The following CCT7 variants were observed in gnomAD, a reference collection of about 807,000 sequenced individuals.
CCT7 encodes chaperonin containing TCP1 subunit 7, also known as T-complex protein 1 subunit eta.
In CCT7, 16 loss-of-function variants were observed where a neutral mutation model predicts 56.6. The observed-to-expected ratio is 0.28, with a 90% confidence interval of 0.19 to 0.43. The LOEUF is 0.43. Ranked by LOEUF, CCT7 falls within the 20% of genes least tolerant of loss-of-function variation. CCT7 has a pLI of 1.00. For missense variants in CCT7, 519 were observed against 685.6 expected, an observed-to-expected ratio of 0.76 and a Z score of 2.71; for synonymous variants, 262 against 254.8, an observed-to-expected ratio of 1.03 and a Z score of -0.27.
intron 11 of CCT7, among the ~76,000 whole-genome samples, chr2:73,252,324 G>GATATATATATATATATATATATATATAT (rs57359293): frequency 2.4e-4 from 30 of 127,318 alleles, no homozygotes; most frequent in South Asian, 5.5e-4. Flanking sequence ...CTCATTGTTT[G>GATATATATATATATATATATATATATAT]ATATATATAT....
chr2:73,244,355 C>A, intron 5 of CCT7, 189 bp from the exon 6 acceptor site: 1 of 609,364 alleles, frequency 1.6e-6, no homozygotes. Context: ...AGTTTAAAAG[C>A]TGCCACATAT....
chr2:73,243,999 A>G lies in CCT7; in HGVS notation c.396A>G (p.Ala132=). 6.2e-7 allele frequency: 1 copy of G among 1,613,636 alleles called. No homozygotes were observed. Residue 132 remains alanine, a splice_region_variant and synonymous_variant, in exon 5 of 12, where the codon GCA becomes GCG. Coordinates refer to ENST00000258091, the MANE Select transcript of CCT7 (RefSeq NM_006429.4). ...IRAFRTATQL[A]VNKIKEIAVT... ...CATTCAACTTCTGTTCTTGGCAGGC[A>G]GTTAACAAGATCAAAGAGATTGCTG...
intron 3 of CCT7, 77 bp from the exon 4 acceptor site, chr2:73,242,927 G>A (rs991698240): frequency 1.2e-5 from 18 of 1,551,746 alleles, no homozygotes; most frequent in Non-Finnish European, 1.5e-5. Context: ...TAAATGGGTA[G>A]CGTGCCTAAA....
At chr2:73,244,505 T>G (rs1403614571) in intron 5 of CCT7, 39 bp from the exon 6 acceptor site, 1 of 1,566,582 alleles carries the variant, frequency 6.4e-7, no homozygotes. Context: ...AGGGATTTGG[T>G]TTTCAAGACC....
chr2:73,244,440 C>CT (rs1422895109), intron 5 of CCT7, 104 bp from the exon 6 acceptor site: 1 of 982,376 alleles, frequency 1.0e-6, no homozygotes, highest in Non-Finnish European at 1.5e-6. Context: ...TTGGAGAGGG[C>CT]TGAGTTTAGA....
In CCT7 at chr2:73,252,324, G is replaced by GATATATATATATATATATAT. The variant is rs57359293; in HGVS notation, c.1411-308_1411-289dup. Among the ~76,000 whole-genome samples the GATATATATATATATATATAT allele has an allele frequency of 8.6e-3, 1,097 of 127,070 alleles. 14 individuals are homozygous for GATATATATATATATATATAT. The highest frequency in any genetic ancestry group is 0.013 in the Non-Finnish European group (756 of 59,888). 83.4% of individuals were successfully genotyped at this position (127,070 alleles called of 152,430 possible). On this transcript the variant is annotated intron_variant, in intron 11 of 11. Transcript: ENST00000258091. ...TGTTTATCTTGAGAACTCATTGTTT[G>GATATATATATATATATATAT]ATATATATATATATATATATATATA... is the stretch of plus-strand genomic sequence containing the variant.
intron 10 of CCT7, among the ~76,000 whole-genome samples, 156 bp downstream of exon 10, chr2:73,250,594 A>G (rs1687537084): frequency 6.6e-6 from 1 of 151,954 alleles, no homozygotes; most frequent in African/African-American, 2.4e-5. Flanking sequence ...TGGTAGAGAA[A>G]CTGAGCCTCA....
intron 11 of CCT7, among the ~76,000 whole-genome samples, chr2:73,251,835 A>G (rs1356957507): frequency 6.6e-6 from 1 of 152,084 alleles, no homozygotes; most frequent in East Asian, 1.9e-4. Context: ...GCTACTCAGG[A>G]GGCTGAGGCA....
intron 3 of CCT7, among the ~76,000 whole-genome samples, chr2:73,242,227 G>A (rs1387638048): frequency 6.6e-6 from 1 of 151,862 alleles, no homozygotes; most frequent in Non-Finnish European, 1.5e-5. Context: ...TTCAAAACCA[G>A]TCTAGACAAC....
intron 3 of CCT7, among the ~76,000 whole-genome samples, chr2:73,241,618 T>C (rs539649938): frequency 1.4e-4 from 22 of 152,274 alleles, no homozygotes; most frequent in African/African-American, 4.3e-4. Flanking sequence ...TTAGAGTTTA[T>C]CCAATTTTCT....
At chr2:73,236,201 A>AAGG (rs1380364592) in intron 1 of CCT7, among the ~76,000 whole-genome samples, 2 of 152,224 alleles carry the variant, frequency 1.3e-5, no homozygotes, top group Non-Finnish European at 2.9e-5. Context: ...TGGCATAGAC[A>AAGG]CACTTGTTTT....
chr2:73,234,807 C>A (rs1457051900), intron 1 of CCT7, among the ~76,000 whole-genome samples: 2 of 152,234 alleles, frequency 1.3e-5, no homozygotes, highest in Admixed American at 6.5e-5. Flanking sequence ...CTTCTTGGAA[C>A]CGGCACAGGC....
At chr2:73,248,351 C>CT (rs369535226) in intron 7 of CCT7, among the ~76,000 whole-genome samples, 9,448 of 144,500 alleles carry the variant, frequency 0.065, 642 homozygotes, top group African/African-American at 0.18. Flanking sequence ...GGGAAGGGGT[C>CT]TTTTTTTTTT....
intron 11 of CCT7, 28 bp downstream of exon 11, chr2:73,251,460 G>A: frequency 6.9e-7 from 1 of 1,444,922 alleles, no homozygotes; most frequent in Non-Finnish European, 9.7e-7. Context: ...CCAGGGTTCA[G>A]GGTTTGGGCG....
intron 6 of CCT7, among the ~76,000 whole-genome samples, chr2:73,246,037 A>G (rs1256803383): frequency 1.3e-5 from 2 of 152,198 alleles, no homozygotes; most frequent in Admixed American, 6.5e-5. Context: ...ATCAGGACTA[A>G]TAATCTTACC....
chr2:73,249,412 A>G (rs1238266314), intron 8 of CCT7, among the ~76,000 whole-genome samples: 1 of 152,182 alleles, frequency 6.6e-6, no homozygotes, highest in Non-Finnish European at 1.5e-5. Context: ...GAGAGAACCT[A>G]GCAGTAATGC....
intron 10 of CCT7, 60 bp from the exon 11 acceptor site, chr2:73,251,166 C>T: frequency 1.3e-6 from 2 of 1,516,544 alleles, no homozygotes; most frequent in African/African-American, 1.4e-5. Context: ...ACTGAGTGGC[C>T]CAGCATGGAA....
intron 1 of CCT7, among the ~76,000 whole-genome samples, chr2:73,234,670 C>T (rs968529610): frequency 6.6e-6 from 1 of 152,222 alleles, no homozygotes; most frequent in Non-Finnish European, 1.5e-5. Context: ...ACGTCGGGGA[C>T]CTCTTTTTTA....
At chr2:73,244,739 G>A (rs1359921009) in intron 6 of CCT7, 24 bp downstream of exon 6, 13 of 1,581,234 alleles carry the variant, frequency 8.2e-6, no homozygotes, top group Non-Finnish European at 1.1e-5. Context: ...GGCCTTCCTA[G>A]ACAGCTCTTG....
Sources: gnomAD v4.1 joint callset for allele counts (sites outside exome capture counted in the v4.1 genomes callset) on GRCh38, gnomAD v4.1.1 for gene constraint, MANE v1.5 for transcripts, NCBI Gene and HGNC (gene_info 2026-07-23, HGNC 2026-07-21) for gene names.